The following AOAH variants were observed in gnomAD, a reference collection of about 807,000 sequenced individuals.
AOAH encodes acyloxyacyl hydrolase.
Under a neutral mutation model 92.2 loss-of-function variants are expected in AOAH, and 64 were observed. The observed-to-expected ratio is 0.69, with a 90% CI of 0.57 to 0.86. AOAH has a LOEUF of 0.86. Ranked by LOEUF, AOAH falls within the 40% of genes least tolerant of loss-of-function variation. The pLI is 0.00. For missense variants in AOAH, 656 were observed against 694.6 expected (o/e 0.94, Z 0.62); for synonymous variants, 263 against 254.5 (o/e 1.03, Z -0.32).
intron 1 of AOAH, among the ~76,000 whole-genome samples, chr7:36,718,529 A>C (rs1221263224): frequency 6.6e-6 from 1 of 152,230 alleles, no homozygotes; most frequent in East Asian, 1.9e-4. Flanking sequence ...AATTATTCAT[A>C]ATTACCAAGA....
At chr7:36,549,612 G>T in intron 13 of AOAH, 137 bp from the exon 14 acceptor site, 1 of 601,500 alleles carries the variant, frequency 1.7e-6, no homozygotes. Context: ...ACACATTGAT[G>T]GAAATAATTT....
At chr7:36,599,476 A>G (rs1790383998) in intron 11 of AOAH, among the ~76,000 whole-genome samples, 1 of 152,150 alleles carries the variant, frequency 6.6e-6, no homozygotes, top group Non-Finnish European at 1.5e-5. Context: ...TCCCTTTTCT[A>G]TTACATGTAC....
intron 12 of AOAH, among the ~76,000 whole-genome samples, chr7:36,582,433 G>A (rs1788995447): frequency 6.6e-6 from 1 of 152,150 alleles, no homozygotes; most frequent in African/African-American, 2.4e-5. Flanking sequence ...GGCAGTACAG[G>A]CATTTCATGT....
intron 1 of AOAH, among the ~76,000 whole-genome samples, chr7:36,706,309 T>C (rs1226251189): frequency 6.6e-6 from 1 of 152,180 alleles, no homozygotes; most frequent in Non-Finnish European, 1.5e-5. Flanking sequence ...ACCAGGTGCA[T>C]TGTCAATGAG....
At chr7:36,639,429 C>A (rs1247657181) in intron 4 of AOAH, among the ~76,000 whole-genome samples, 1 of 152,140 alleles carries the variant, frequency 6.6e-6, no homozygotes, top group Non-Finnish European at 1.5e-5. Flanking sequence ...TTCTCAGGCC[C>A]AGTTTAAAAT....
At chr7:36,514,783 G>T (rs1790243806) in intron 20 of AOAH, 2 of 540,436 alleles carry the variant, frequency 3.7e-6, no homozygotes, top group South Asian at 4.2e-5. Flanking sequence ...GCAGCTCACA[G>T]TCCCCTTCCT....
intron 2 of AOAH, among the ~76,000 whole-genome samples, chr7:36,680,963 G>A (rs1337161174): frequency 2.0e-5 from 3 of 152,126 alleles, no homozygotes; most frequent in Admixed American, 2.0e-4. Flanking sequence ...ATGGTACCTT[G>A]AACCAGCAAT....
Position 36,585,565 on chromosome 7 carries a change from C to T in AOAH, c.938+8774G>A, listed in dbSNP as rs186712793. Among the ~76,000 whole-genome samples, 17 of 152,212 alleles carry T rather than the reference C, an allele frequency of 1.1e-4. No individual in the cohort carries two copies. In the South Asian group the frequency reaches 2.5e-3, roughly 22 times the overall value. ...TGCAGCATTACGAAGAATAATGATA[C>T]TCTGGATATAAGTTGGATGTCCACC... On this transcript the variant is annotated intron_variant, in intron 12 of 20. Transcript: ENST00000617537.
intron 6 of AOAH, among the ~76,000 whole-genome samples, chr7:36,626,376 C>G (rs1792664981): frequency 6.6e-6 from 1 of 152,210 alleles, no homozygotes; most frequent in Non-Finnish European, 1.5e-5. Context: ...GATTGGAAAG[C>G]TGATTTATTA....
intron 4 of AOAH, among the ~76,000 whole-genome samples, chr7:36,642,086 T>A (rs1793954137): frequency 2.0e-5 from 3 of 152,138 alleles, no homozygotes; most frequent in Non-Finnish European, 4.4e-5. Context: ...TCTGAGATCA[T>A]AACCCTGCAG....
intron 1 of AOAH, among the ~76,000 whole-genome samples, chr7:36,689,242 G>C (rs1427432106): frequency 1.3e-5 from 2 of 152,188 alleles, no homozygotes; most frequent in African/African-American, 4.8e-5. Context: ...AGCTTCTATA[G>C]CAAGTGGTCA....
At chr7:36,616,334 A>T (rs762826131) in intron 11 of AOAH, 46 bp downstream of exon 11, 1 of 1,521,714 alleles carries the variant, frequency 6.6e-7, no homozygotes, top group East Asian at 2.3e-5. Flanking sequence ...AGGAAACAAA[A>T]ACAAAGGCCA....
In AOAH at chr7:36,724,254, C is replaced by T. The variant is rs930752010; in HGVS notation, c.-106G>A. The T allele has an allele frequency of 7.2e-6, 10 of 1,387,796 alleles. No homozygotes were observed. The highest frequency in any genetic ancestry group is 1.0e-5 in the Non-Finnish European group (10 of 998,220). The allele number at this position is 1,387,796 out of a possible 1,614,324, so 86.0% of individuals were successfully genotyped here. A position where few individuals can be genotyped will look rare whatever the true frequency, so the allele number is the denominator to read the frequency against. On this transcript the variant is annotated 5_prime_UTR_variant, in exon 1 of 21. Transcript: ENST00000617537. The stretch of plus-strand genomic sequence containing the variant: ...AATTGATCTCTCTCTCCTTCTCTTC[C>T]TCACTCTCTTTGACACACACACCCC...
chr7:36,554,692 T>A (rs1786559142), intron 13 of AOAH, among the ~76,000 whole-genome samples: 2 of 151,332 alleles, frequency 1.3e-5, no homozygotes, highest in South Asian at 4.2e-4. Flanking sequence ...CTTGAAGAGG[T>A]CCTTCACGTC....
chr7:36,616,664 G>A (rs1411051351), intron 10 of AOAH, among the ~76,000 whole-genome samples, 190 bp from the exon 11 acceptor site: 6 of 152,170 alleles, frequency 3.9e-5, no homozygotes, highest in Non-Finnish European at 8.8e-5. Flanking sequence ...AGATTTCCAG[G>A]CCATTGGAGC....
At position 36,706,097 on chromosome 7, in the gene AOAH, A is replaced by G. The variant is rs142571130; in HGVS notation, c.127+17925T>C. On this transcript the variant is annotated intron_variant, in intron 1 of 20. Transcript: ENST00000617537. ...ATTCAAGACATAGGCATGTGCAAAGACTTCATTACTAAAACACCAAAAGCA... is the reference window on the plus strand; with the variant it reads ...ATTCAAGACATAGGCATGTGCAAAGGCTTCATTACTAAAACACCAAAAGCA... Among the ~76,000 whole-genome samples, 1,463 of 152,270 alleles carry G rather than the reference A, an allele frequency of 9.6e-3. 26 individuals are homozygous for G. Among genetic ancestry groups the G allele is most frequent in the African/African-American group, 0.033 (1,381 of 41,546 alleles).
intron 13 of AOAH, among the ~76,000 whole-genome samples, chr7:36,561,368 C>A (rs1398820102): frequency 6.6e-6 from 1 of 152,060 alleles, no homozygotes; most frequent in African/African-American, 2.4e-5. Context: ...TAGTGAAAAT[C>A]CAACCCCAAT....
At chr7:36,559,045 C>T (rs1270309736) in intron 13 of AOAH, among the ~76,000 whole-genome samples, 1 of 152,248 alleles carries the variant, frequency 6.6e-6, no homozygotes, top group African/African-American at 2.4e-5. Context: ...GATGGAAATG[C>T]AGAAATCACC....
intron 8 of AOAH, among the ~76,000 whole-genome samples, chr7:36,621,082 C>T (rs183799883): frequency 3.3e-5 from 5 of 152,344 alleles, no homozygotes; most frequent in Non-Finnish European, 5.9e-5. Context: ...TCTTTTTCAT[C>T]ATTGACTATA....
Sources: gnomAD v4.1 joint callset for allele counts (sites outside exome capture counted in the v4.1 genomes callset) on GRCh38, gnomAD v4.1.1 for gene constraint, MANE v1.5 for transcripts, NCBI Gene and HGNC (gene_info 2026-07-23, HGNC 2026-07-21) for gene names.